TMEM232: variants seen among roughly 807,000 people sequenced by gnomAD.
The protein encoded by TMEM232 is transmembrane protein 232.
A neutral mutation model predicts 78.8 loss-of-function variants in TMEM232; 80 were observed. The ratio of observed to expected loss-of-function variants is 1.01; its 90% CI spans 0.85 to 1.22. TMEM232 has a LOEUF of 1.22. Ranked by LOEUF, TMEM232 falls within the 50% of genes most tolerant of loss-of-function variation. The probability of loss-of-function intolerance (pLI) is 0.00; values close to 1 mark genes in which losing one functional copy is unlikely to be tolerated. For synonymous variants in TMEM232, 297 were observed against 254.3 expected (o/e 1.17, Z -1.60); for missense variants, 881 against 742.2 (o/e 1.19, Z -2.17).
At chr5:110,624,410 T>C (rs1220821525) in intron 7 of TMEM232, among the ~76,000 whole-genome samples, 1 of 152,060 alleles carries the variant, frequency 6.6e-6, no homozygotes, top group Non-Finnish European at 1.5e-5. Flanking sequence ...TTTTTAAAGA[T>C]ATGCAAATGG....
chr5:110,738,782 A>T (rs1456898137), upstream of TMEM232: 1 of 389,794 alleles, frequency 2.6e-6, no homozygotes, highest in African/African-American at 2.2e-5. Flanking sequence ...AACTCCTCCC[A>T]TGCAGGCCCT....
At position 110,500,845 on chromosome 5, in the gene TMEM232, G is replaced by A. The variant is rs920466091; in HGVS notation, c.1703+27743C>T. Among the ~76,000 whole-genome samples the A allele has an allele frequency of 3.9e-5, 6 of 152,232 alleles. No homozygotes were observed. In the East Asian group the frequency reaches 9.6e-4, roughly 24 times the overall value. On this transcript the variant is annotated intron_variant, in intron 12 of 13. Transcript: ENST00000455884. ...GTCTGGAACAGCCACTTACAGAGCT[G>A]AAATGACAAGAAAATTTGTGTTGTG...
At chr5:110,447,880 C>A (rs1488600) in intron 12 of TMEM232, among the ~76,000 whole-genome samples, 5 of 151,658 alleles carry the variant, frequency 3.3e-5, no homozygotes, top group African/African-American at 1.2e-4. Flanking sequence ...AAAGTGAAAA[C>A]GAAGAGAGGG....
chr5:110,576,438 T>C (rs1223152610), intron 10 of TMEM232, among the ~76,000 whole-genome samples: 2 of 152,122 alleles, frequency 1.3e-5, no homozygotes, highest in African/African-American at 4.8e-5. Context: ...AGAATCAATA[T>C]TGTTAAAATG....
intron 1 of TMEM232, 44 bp from the exon 2 acceptor site, chr5:110,667,408 T>C (rs1241915148): frequency 5.1e-6 from 7 of 1,385,794 alleles, no homozygotes; most frequent in African/African-American, 1.5e-5. Flanking sequence ...AATGCACTCA[T>C]AGTATCAAAC....
At chr5:110,470,826 C>G (rs1762589553) in intron 12 of TMEM232, among the ~76,000 whole-genome samples, 4 of 152,002 alleles carry the variant, frequency 2.6e-5, no homozygotes, top group Admixed American at 1.3e-4. Flanking sequence ...CACAAAAAAG[C>G]AATGAAAAAT....
At chr5:110,713,043 GT>G (rs1796655186) in intron 1 of TMEM232, among the ~76,000 whole-genome samples, 2 of 151,856 alleles carry the variant, frequency 1.3e-5, no homozygotes, top group Admixed American at 6.6e-5. Context: ...TAGAGAAAAT[GT>G]TTTTACACAC....
At chr5:110,535,686 G>A (rs1474093063) in intron 11 of TMEM232, among the ~76,000 whole-genome samples, 1 of 152,018 alleles carries the variant, frequency 6.6e-6, no homozygotes, top group African/African-American at 2.4e-5. Context: ...GTGAACTCTG[G>A]AATTACTAAG....
chr5:110,564,219 A>G (rs954068184), intron 11 of TMEM232, among the ~76,000 whole-genome samples: 6 of 151,970 alleles, frequency 3.9e-5, no homozygotes, highest in African/African-American at 1.4e-4. Flanking sequence ...GAAATTTTCA[A>G]TGACAGAAAA....
intron 2 of TMEM232, among the ~76,000 whole-genome samples, chr5:110,661,134 G>A (rs1789731443): frequency 6.6e-6 from 1 of 152,064 alleles, no homozygotes; most frequent in Non-Finnish European, 1.5e-5. Context: ...ATGTCTTCCA[G>A]TTCCACCAAT....
intron 1 of TMEM232, among the ~76,000 whole-genome samples, chr5:110,704,665 T>C (rs1483828019): frequency 1.3e-5 from 2 of 152,060 alleles, no homozygotes; most frequent in East Asian, 1.9e-4. Context: ...GAAACCCTGA[T>C]GTCAAGTTTT....
In TMEM232 at chr5:110,642,346, A is replaced by G; in HGVS notation, c.151T>C (p.Phe51Leu). 15 of 1,526,812 alleles carry G rather than the reference A, an allele frequency of 9.8e-6. No homozygotes were observed. Among genetic ancestry groups the G allele is most frequent in the Non-Finnish European group, 1.3e-5 (15 of 1,138,112 alleles). The allele number at this position is 1,526,812 out of a possible 1,614,324, so 94.6% of individuals were successfully genotyped here. A position where few individuals can be genotyped will look rare whatever the true frequency, so the allele number is the denominator to read the frequency against. Residue 51 changes from phenylalanine (F) to leucine (L), a missense_variant, in exon 3 of 14, where the codon TTC becomes CTC. Coordinates refer to ENST00000455884, the MANE Select transcript of TMEM232 (RefSeq NM_001039763.4). ...TGTGTTTGATTGAATCTCAAGATGA[A>G]TTCTTTTGTGATTGAAAATGTTGGC... ...SRPTFSITKE[F>L]ILRFNQTQNS...
intron 10 of TMEM232, among the ~76,000 whole-genome samples, chr5:110,589,621 A>C (rs1467115247): frequency 4.6e-5 from 7 of 152,124 alleles, no homozygotes; most frequent in Admixed American, 3.9e-4. Context: ...TTGGACAAAT[A>C]AACTTTTATT....
intron 11 of TMEM232, among the ~76,000 whole-genome samples, chr5:110,537,882 A>G (rs1772597086): frequency 6.6e-6 from 1 of 152,228 alleles, no homozygotes; most frequent in African/African-American, 2.4e-5. Context: ...GAGATGTTCA[A>G]TTCATTCTAG....
At chr5:110,391,343 G>C (rs1257629380) in intron 3 of TMEM232, among the ~76,000 whole-genome samples, 1 of 151,180 alleles carries the variant, frequency 6.6e-6, no homozygotes, top group Non-Finnish European at 1.5e-5. Context: ...GAGAGAGAGA[G>C]AGAGAAACCT....
intron 2 of TMEM232, among the ~76,000 whole-genome samples, chr5:110,413,052 T>A (rs1360155007): frequency 6.6e-6 from 1 of 152,128 alleles, no homozygotes; most frequent in African/African-American, 2.4e-5. Context: ...ATGCAACGTA[T>A]TGTTCCTGGG....
At position 110,606,253 on chromosome 5, in the gene TMEM232, C is replaced by G; in HGVS notation, c.937G>C (p.Glu313Gln). 6.5e-7 allele frequency: 1 copy of G among 1,543,456 alleles called. No homozygotes were observed. Among genetic ancestry groups the G allele is most frequent in the Non-Finnish European group, 8.8e-7 (1 of 1,141,240 alleles). ...CAGGCCATGTTTAATTTGGCAGCCT[C>G]CCCAAGGACCAGTAAAGCCAGTACT... is the stretch of plus-strand genomic sequence containing the variant. ...DSVLALLVLG[E>Q]AAKLNMACLK... Residue 313 changes from glutamate (E) to glutamine (Q), a missense_variant, in exon 9 of 14, where the codon GAG (glutamate) becomes CAG (glutamine). Physicochemically the swap from Glu to Gln is conservative, Grantham distance 29 (BLOSUM62 2). Coordinates refer to ENST00000455884, the MANE Select transcript of TMEM232 (RefSeq NM_001039763.4).
At chr5:110,636,415 G>C (rs1377178135) in intron 5 of TMEM232, among the ~76,000 whole-genome samples, 1 of 151,932 alleles carries the variant, frequency 6.6e-6, no homozygotes, top group African/African-American at 2.4e-5. Flanking sequence ...GATTTGAAAT[G>C]ATGCAAACAC....
chr5:110,565,847 T>A (rs996134174), intron 11 of TMEM232, among the ~76,000 whole-genome samples: 5 of 151,964 alleles, frequency 3.3e-5, no homozygotes, highest in African/African-American at 1.2e-4. Context: ...ATCTAGTAGG[T>A]CACTTGCAAA....
Sources: allele counts gnomAD v4.1 joint callset (sites outside exome capture counted in the v4.1 genomes callset), GRCh38; gene constraint gnomAD v4.1.1; transcripts MANE v1.5; gene names NCBI Gene and HGNC (gene_info 2026-07-23, HGNC 2026-07-21).